The following UNC79 variants were observed in gnomAD, a reference collection of about 807,000 sequenced individuals.
The protein encoded by UNC79 is unc-79 subunit of NALCN channel complex.
Under a neutral mutation model 283.1 loss-of-function variants are expected in UNC79, and 37 were observed. The observed-to-expected ratio is 0.13, with a 90% confidence interval of 0.10 to 0.17. The LOEUF (loss-of-function observed/expected upper bound fraction) is 0.17. Ranked by LOEUF, UNC79 falls within the 10% of genes least tolerant of loss-of-function variation. The pLI is 1.00. For synonymous variants in UNC79, 1,107 were observed against 1,200.2 expected (o/e 0.92, Z 1.61); for missense variants, 2,272 against 3,211.1 (o/e 0.71, Z 7.07).
intron 14 of UNC79, among the ~76,000 whole-genome samples, chr14:93,543,908 A>G (rs2061488050): frequency 6.6e-6 from 1 of 152,116 alleles, no homozygotes. Context: ...CTTTTATTGG[A>G]TTTTCAGGAC....
At chr14:93,502,102 AT>A (rs2059320247) in intron 7 of UNC79, among the ~76,000 whole-genome samples, 1 of 152,172 alleles carries the variant, frequency 6.6e-6, no homozygotes, top group Non-Finnish European at 1.5e-5. Flanking sequence ...AACTGCTCCA[AT>A]TATTTTGGCC....
intron 1 of UNC79, among the ~76,000 whole-genome samples, chr14:93,434,408 A>T (rs2140105109): frequency 6.6e-6 from 1 of 152,310 alleles, no homozygotes; most frequent in Admixed American, 6.5e-5. Flanking sequence ...TTTTCTTACA[A>T]AGTTCACTGT....
Position 93,474,083 on chromosome 14 carries a change from C to CA in UNC79, c.144-4dup, listed in dbSNP as rs1033116425. 2.0e-6 allele frequency: 3 copies of CA among 1,525,190 alleles called. No individual in the cohort carries two copies. In the African/African-American group the frequency reaches 4.1e-5, roughly 21 times the overall value. 94.5% of individuals were successfully genotyped at this position (1,525,190 alleles called of 1,614,324 possible). On this transcript the variant is annotated splice_region_variant and splice_polypyrimidine_tract_variant and intron_variant, in intron 2 of 48. Transcript: ENST00000555664. The surrounding 1 kb of genome is among the most constrained non-coding windows in gnomAD (Gnocchi z 4.1). ...TGTCTCTTTTTTTTCTTTGTCCCCC[C>CA]AACAGCATTTTGTCCCGCACAGGGA...
rs113820792 is a variant in UNC79, at chr14:93,564,130, G to A, written c.1756-7764G>A. 2.3e-4 allele frequency among the ~76,000 whole-genome samples: 35 copies of A among 152,282 alleles called. 2 individuals are homozygous for A. Among genetic ancestry groups the A allele is most frequent in the African/African-American group, 7.7e-4 (32 of 41,542 alleles). ...TTCTGACTGCACAGCCCTGCACTTCGGCTGTGTGCAATGAAAAGGGTTGGG... is the reference window on the plus strand; with the variant it reads ...TTCTGACTGCACAGCCCTGCACTTCAGCTGTGTGCAATGAAAAGGGTTGGG... On this transcript the variant is annotated intron_variant, in intron 14 of 48. Coordinates refer to ENST00000555664, the Ensembl canonical transcript of UNC79.
At chr14:93,479,539 C>T (rs1267624606) in intron 4 of UNC79, among the ~76,000 whole-genome samples, 2 of 151,990 alleles carry the variant, frequency 1.3e-5, no homozygotes, top group Non-Finnish European at 2.9e-5. Flanking sequence ...CTCAGGTGAT[C>T]CACCCGCCTC....
intron 10 of UNC79, among the ~76,000 whole-genome samples, chr14:93,530,667 T>C (rs1031370215): frequency 4.0e-5 from 6 of 151,514 alleles, no homozygotes; most frequent in Non-Finnish European, 8.8e-5. Flanking sequence ...CCCAGCACTT[T>C]GGGAGGCCGA....
intron 38 of UNC79, among the ~76,000 whole-genome samples, chr14:93,656,086 A>T (rs979357472): frequency 2.0e-5 from 3 of 152,230 alleles, no homozygotes; most frequent in Non-Finnish European, 4.4e-5. Flanking sequence ...CAGTGGTGGC[A>T]ATGTGAGGAT....
intron 4 of UNC79, among the ~76,000 whole-genome samples, chr14:93,485,101 A>G (rs188319076): frequency 2.0e-4 from 30 of 152,140 alleles, no homozygotes; most frequent in Non-Finnish European, 4.3e-4. Context: ...TGAGAAATAC[A>G]TATTATTAAA....
chr14:93,491,756 G>A (rs2058736055), intron 5 of UNC79, among the ~76,000 whole-genome samples: 1 of 152,172 alleles, frequency 6.6e-6, no homozygotes, highest in Non-Finnish European at 1.5e-5. Context: ...TGAATGTTGA[G>A]TTGAATGTTT....
chr14:93,514,616 C>T (rs1041511314), intron 7 of UNC79, among the ~76,000 whole-genome samples: 1 of 152,170 alleles, frequency 6.6e-6, no homozygotes, highest in African/African-American at 2.4e-5. Context: ...GGTAGCTCTC[C>T]TCTGTTCTCT....
At chr14:93,445,140 T>G (rs1408873862) in intron 1 of UNC79, among the ~76,000 whole-genome samples, 20 of 152,208 alleles carry the variant, frequency 1.3e-4, no homozygotes, top group Admixed American at 1.2e-3. Flanking sequence ...GCTGTGTTGG[T>G]CTTATATCCT....
intron 26 of UNC79, among the ~76,000 whole-genome samples, 155 bp downstream of exon 26, chr14:93,603,573 G>A (rs1241574582): frequency 2.0e-5 from 3 of 152,168 alleles, no homozygotes; most frequent in African/African-American, 7.2e-5. Context: ...ATCACTTCAG[G>A]GGTATAAATG....
intron 5 of UNC79, among the ~76,000 whole-genome samples, chr14:93,493,897 A>T (rs1270767360): frequency 0.38 from 21,060 of 55,978 alleles, 4,364 homozygotes; most frequent in Admixed American, 0.43. Flanking sequence ...ATATATATAT[A>T]TATATTTTTT....
At chr14:93,677,759 C>T (rs1359865898) in intron 41 of UNC79, among the ~76,000 whole-genome samples, 1 of 152,146 alleles carries the variant, frequency 6.6e-6, no homozygotes, top group African/African-American at 2.4e-5. Flanking sequence ...AAGTGATTCT[C>T]CTGTCTCAGC....
At chr14:93,490,467 C>G (rs547807124) in intron 5 of UNC79, among the ~76,000 whole-genome samples, 1 of 152,176 alleles carries the variant, frequency 6.6e-6, no homozygotes, top group South Asian at 2.1e-4. Flanking sequence ...AGCTGGGCCT[C>G]TCTTTCAACA....
At chr14:93,348,806 A>G (rs1433166303) in intron 1 of UNC79, among the ~76,000 whole-genome samples, 1 of 152,226 alleles carries the variant, frequency 6.6e-6, no homozygotes, top group Non-Finnish European at 1.5e-5. Context: ...TATCTCTGTA[A>G]TGGGGACTTA....
chr14:93,395,838 C>A (rs1345320284), intron 1 of UNC79, among the ~76,000 whole-genome samples: 1 of 151,248 alleles, frequency 6.6e-6, no homozygotes, highest in Admixed American at 6.6e-5. Flanking sequence ...ACCTTTTTTT[C>A]TTTGTTTTTT....
intron 1 of UNC79, among the ~76,000 whole-genome samples, chr14:93,447,996 T>C (rs1267427239): frequency 1.3e-5 from 2 of 152,292 alleles, no homozygotes; most frequent in East Asian, 3.9e-4. Flanking sequence ...TGCTTTGTGT[T>C]TGTCATTTCA....
chr14:93,456,923 C>T (rs983570975), intron 1 of UNC79, among the ~76,000 whole-genome samples: 1 of 152,182 alleles, frequency 6.6e-6, no homozygotes, highest in Non-Finnish European at 1.5e-5. Context: ...TTATTCCATT[C>T]TTAAGCTTTC....
Sources: allele counts gnomAD v4.1 joint callset (sites outside exome capture counted in the v4.1 genomes callset), GRCh38; gene constraint gnomAD v4.1.1; non-coding constraint Gnocchi (gnomAD v3.1); transcripts MANE v1.5; gene names NCBI Gene and HGNC (gene_info 2026-07-23, HGNC 2026-07-21).